The following RAI14 variants were observed in gnomAD, a reference collection of about 807,000 sequenced individuals.
RAI14 encodes the protein retinoic acid induced 14, also known as ankycorbin.
A neutral mutation model predicts 115.4 loss-of-function variants in RAI14; 45 were observed. That is an observed-to-expected ratio of 0.39 (90% confidence interval 0.31 to 0.50). The LOEUF (loss-of-function observed/expected upper bound fraction) is 0.50. Ranked by LOEUF, RAI14 falls within the 20% of genes least tolerant of loss-of-function variation. The pLI is 0.85. For missense variants in RAI14, 939 were observed against 1,131.2 expected, an observed-to-expected ratio of 0.83 and a Z score of 2.44; for synonymous variants, 371 against 415.4, an observed-to-expected ratio of 0.89 and a Z score of 1.30.
At chr5:34,752,701 A>ATGTGTGTGTGTGTGTG (rs764853413) in intron 2 of RAI14, among the ~76,000 whole-genome samples, 6 of 90,254 alleles carry the variant, frequency 6.6e-5, no homozygotes, top group Admixed American at 6.6e-4. Context: ...TTTCTTACAT[A>ATGTGTGTGTGTGTGTG]TATGTGTGTG....
intron 3 of RAI14, among the ~76,000 whole-genome samples, chr5:34,769,156 T>C (rs1749820775): frequency 1.3e-5 from 2 of 152,126 alleles, no homozygotes; most frequent in African/African-American, 4.8e-5. Flanking sequence ...TAGCATTCAT[T>C]TTTTACATGC....
intron 2 of RAI14, among the ~76,000 whole-genome samples, chr5:34,703,751 A>G (rs1281833129): frequency 6.6e-6 from 1 of 152,146 alleles, no homozygotes; most frequent in East Asian, 1.9e-4. Flanking sequence ...GCTTTATGGG[A>G]AATTTTCTCC....
At chr5:34,824,878 A>T (rs2150305225) in intron 15 of RAI14, among the ~76,000 whole-genome samples, 1 of 137,360 alleles carries the variant, frequency 7.3e-6, no homozygotes, top group Non-Finnish European at 1.5e-5. Flanking sequence ...CAGGAGGTGG[A>T]GGTTGCAGTG....
At chr5:34,755,307 TA>T (rs767245990) in intron 2 of RAI14, among the ~76,000 whole-genome samples, 36 of 152,160 alleles carry the variant, frequency 2.4e-4, no homozygotes, top group Admixed American at 6.6e-5. Context: ...TCTTTGTGAG[TA>T]AATTGCTGTA....
intron 2 of RAI14, among the ~76,000 whole-genome samples, chr5:34,734,247 G>T (rs1036430119): frequency 2.0e-5 from 3 of 152,234 alleles, no homozygotes; most frequent in Admixed American, 1.3e-4. Flanking sequence ...TCAGTGAACT[G>T]GGGGGGCTGG....
At chr5:34,766,269 C>T (rs1209651914) in intron 3 of RAI14, among the ~76,000 whole-genome samples, 1 of 152,132 alleles carries the variant, frequency 6.6e-6, no homozygotes. Context: ...GGTAGATTCA[C>T]CAACAGCTTG....
At position 34,753,672 on chromosome 5, in the gene RAI14, T is replaced by C. The variant is rs541809060; in HGVS notation, c.37-3796T>C. Among the ~76,000 whole-genome samples the C allele has an allele frequency of 2.6e-5, 4 of 152,052 alleles. No homozygotes were observed. In the South Asian group the frequency reaches 6.3e-4, roughly 24 times the overall value. ...GAGTCACACCTATAATCCCAGCACT[T>C]TGGGAGGCCACGGTGGGCAGATCAC... On this transcript the variant is annotated intron_variant, in intron 2 of 17. Coordinates refer to ENST00000265109, the MANE Select transcript of RAI14 (RefSeq NM_015577.3).
chr5:34,688,193 G>A (rs1174115362), intron 2 of RAI14: 1 of 1,550,436 alleles, frequency 6.4e-7, no homozygotes, highest in Non-Finnish European at 8.7e-7. Context: ...ATCGTCTGCT[G>A]GCTGTATGTT....
At chr5:34,784,375 T>C (rs1752032986) in intron 3 of RAI14, among the ~76,000 whole-genome samples, 1 of 152,226 alleles carries the variant, frequency 6.6e-6, no homozygotes, top group Non-Finnish European at 1.5e-5. Flanking sequence ...AGGATCCAAT[T>C]AGTTAATTTC....
intron 1 of RAI14, chr5:34,686,586 A>G (rs891438036): frequency 1.1e-5 from 2 of 186,430 alleles, no homozygotes; most frequent in African/African-American, 4.7e-5. Context: ...GCATATTTCA[A>G]AAGTCATGTT....
intron 3 of RAI14, among the ~76,000 whole-genome samples, chr5:34,792,485 C>T (rs1020298276): frequency 5.3e-5 from 8 of 152,094 alleles, no homozygotes; most frequent in Admixed American, 3.9e-4. Context: ...CCGCCCACCT[C>T]GGCCTCCCAA....
At position 34,824,034 on chromosome 5, in the gene RAI14, C is replaced by A. The variant is rs1363136941; in HGVS notation, c.2192C>A (p.Thr731Lys). 6.2e-7 allele frequency: 1 copy of A among 1,614,116 alleles called. No homozygotes were observed. The highest frequency in any genetic ancestry group is 1.7e-5 in the Admixed American group (1 of 60,026). The change falls in exon 15 of 18, where the codon ACA (threonine) becomes AAA (lysine). Residue 731 changes from threonine to lysine, a missense_variant. Physicochemically the swap from Thr to Lys is moderately conservative, Grantham distance 78. Coordinates refer to ENST00000265109, the MANE Select transcript of RAI14 (RefSeq NM_015577.3). ...CAAAAAGAGAACTCTGTCTCTATCACAGAACATTTGCAAGTGATAACCACG... is the reference window on the plus strand; with the variant it reads ...CAAAAAGAGAACTCTGTCTCTATCAAAGAACATTTGCAAGTGATAACCACG... ...DAQKENSVSI[T>K]EHLQVITTLR...
chr5:34,660,749 C>A (rs4703469), intron 1 of RAI14, among the ~76,000 whole-genome samples: 59,487 of 151,140 alleles, frequency 0.39, 12,125 homozygotes, highest in African/African-American at 0.52. Context: ...ACATTGGCGT[C>A]CTCATTCCTT....
chr5:34,735,100 CT>C (rs1482811831), intron 2 of RAI14, among the ~76,000 whole-genome samples: 1 of 152,128 alleles, frequency 6.6e-6, no homozygotes, highest in African/African-American at 2.4e-5. Flanking sequence ...TGATGCAGCT[CT>C]TTATTGATAG....
chr5:34,756,288 T>C (rs11747398), intron 2 of RAI14, among the ~76,000 whole-genome samples: 26,176 of 152,120 alleles, frequency 0.17, 2,513 homozygotes, highest in African/African-American at 0.25. Context: ...TCTTTTTAGT[T>C]TTTAAATCTA....
Position 34,791,060 on chromosome 5 carries a change from A to G in RAI14, c.168-4879A>G, listed in dbSNP as rs2150191978. Among the ~76,000 whole-genome samples the G allele has an allele frequency of 6.6e-6, 1 of 152,288 alleles. No individual in the cohort carries two copies. The highest frequency in any genetic ancestry group is 1.5e-5 in the Non-Finnish European group (1 of 68,020). On this transcript the variant is annotated intron_variant, in intron 3 of 17. Coordinates refer to ENST00000265109, the MANE Select transcript of RAI14 (RefSeq NM_015577.3). The surrounding 1 kb of genome is among the most constrained non-coding windows in gnomAD (Gnocchi z 5.4). Reference sequence around the variant, plus strand: ...TTTGTATTTTCTGAGAGTCTTAATTACATTTTACAAATTACATGGATGGTT... The same window carrying G: ...TTTGTATTTTCTGAGAGTCTTAATTGCATTTTACAAATTACATGGATGGTT...
chr5:34,803,649 AAG>A, intron 4 of RAI14, 61 bp from the exon 5 acceptor site: 3 of 1,354,380 alleles, frequency 2.2e-6, no homozygotes, highest in Middle Eastern at 1.9e-4. Context: ...ATATATAAGA[AAG>A]AGATTTTTTT....
At chr5:34,692,188 AG>A (rs1336245525) in intron 2 of RAI14, among the ~76,000 whole-genome samples, 1 of 152,086 alleles carries the variant, frequency 6.6e-6, no homozygotes, top group Admixed American at 6.6e-5. Flanking sequence ...GCTTGAACCC[AG>A]GGGGTGGAGG....
intron 2 of RAI14, among the ~76,000 whole-genome samples, chr5:34,690,105 A>G (rs1738383310): frequency 6.6e-6 from 1 of 152,320 alleles, no homozygotes; most frequent in Non-Finnish European, 1.5e-5. Flanking sequence ...TTTTCAATGT[A>G]TGCCTTTGAT....
Sources: allele counts gnomAD v4.1 joint callset (sites outside exome capture counted in the v4.1 genomes callset), GRCh38; gene constraint gnomAD v4.1.1; non-coding constraint Gnocchi (gnomAD v3.1); transcripts MANE v1.5; gene names NCBI Gene and HGNC (gene_info 2026-07-23, HGNC 2026-07-21).